Variants in ERC2 observed in about 807,000 individuals in gnomAD.
The protein encoded by ERC2 is ERC protein 2.
In ERC2, 42 loss-of-function variants were observed where a neutral mutation model predicts 114.8. The observed-to-expected ratio is 0.37, with a 90% CI of 0.29 to 0.47. ERC2 has a LOEUF of 0.47. Among genes scored for constraint, ERC2 ranks in the 20% least tolerant of loss-of-function variants. ERC2 has a pLI of 0.99. For synonymous variants in ERC2, 454 were observed against 425.5 expected (o/e 1.07, Z -0.82); for missense variants, 939 against 1,150.7 (o/e 0.82, Z 2.66).
intron 13 of ERC2, among the ~76,000 whole-genome samples, chr3:55,948,158 C>G (rs1314460581): frequency 1.3e-5 from 2 of 152,194 alleles, no homozygotes; most frequent in East Asian, 3.8e-4. Flanking sequence ...TCTCTTGGTG[C>G]TCTTCTTTGA....
At chr3:56,431,721 G>C (rs995295154) in intron 2 of ERC2, among the ~76,000 whole-genome samples, 2 of 151,994 alleles carry the variant, frequency 1.3e-5, no homozygotes, top group Non-Finnish European at 2.9e-5. Flanking sequence ...TTTTTACTTT[G>C]TAAGACATCA....
chr3:56,379,970 T>C (rs778297766), intron 2 of ERC2, among the ~76,000 whole-genome samples: 11 of 152,126 alleles, frequency 7.2e-5, no homozygotes, highest in Non-Finnish European at 1.6e-4. Context: ...ATTATGAACG[T>C]TAGGGCTGAG....
chr3:56,225,144 T>A (rs11712770), intron 3 of ERC2, among the ~76,000 whole-genome samples: 1 of 151,940 alleles, frequency 6.6e-6, no homozygotes, highest in Admixed American at 6.6e-5. Context: ...CTCTCAAGAT[T>A]TTCTCCACTC....
chr3:55,599,082 A>G (rs1179237304), intron 17 of ERC2, among the ~76,000 whole-genome samples: 3 of 152,172 alleles, frequency 2.0e-5, no homozygotes, highest in Admixed American at 1.3e-4. Context: ...AAACATCAAA[A>G]ACTTTTGCAG....
intron 13 of ERC2, among the ~76,000 whole-genome samples, chr3:55,919,586 C>A (rs550599778): frequency 6.6e-6 from 1 of 152,142 alleles, no homozygotes; most frequent in African/African-American, 2.4e-5. Flanking sequence ...AACCTCACAA[C>A]TTTATCTTCA....
chr3:55,855,026 G>T (rs1287456888), intron 14 of ERC2, among the ~76,000 whole-genome samples: 1 of 152,096 alleles, frequency 6.6e-6, no homozygotes, highest in African/African-American at 2.4e-5. Context: ...CATTATCCAT[G>T]GCAGCCCAGT....
At chr3:55,541,561 ATCTGACTATC>A (rs2054396573) in intron 17 of ERC2, among the ~76,000 whole-genome samples, 4 of 152,242 alleles carry the variant, frequency 2.6e-5, no homozygotes, top group African/African-American at 7.2e-5. Context: ...TGGCTTGTGC[ATCTGACTATC>A]TCTGACTATC....
At chr3:55,517,633 C>T (rs1180359285) in intron 17 of ERC2, among the ~76,000 whole-genome samples, 2 of 152,150 alleles carry the variant, frequency 1.3e-5, no homozygotes, top group African/African-American at 4.8e-5. Context: ...GCTCTCCTTG[C>T]CTTCAATCAG....
intron 2 of ERC2, among the ~76,000 whole-genome samples, chr3:56,351,973 T>C (rs2058570035): frequency 6.6e-6 from 1 of 152,178 alleles, no homozygotes; most frequent in Non-Finnish European, 1.5e-5. Context: ...GAAGGCTTCT[T>C]GGATGTGACA....
At chr3:55,715,636 G>GT (rs1018358779) in intron 15 of ERC2, among the ~76,000 whole-genome samples, 2 of 151,834 alleles carry the variant, frequency 1.3e-5, no homozygotes, top group African/African-American at 2.4e-5. Flanking sequence ...GCTGTGGGGT[G>GT]TTTTTTTTCC....
At chr3:55,968,539 A>T (rs1370155102) in intron 12 of ERC2, among the ~76,000 whole-genome samples, 1 of 152,222 alleles carries the variant, frequency 6.6e-6, no homozygotes, top group Non-Finnish European at 1.5e-5. Context: ...GTTTGCTGAA[A>T]TGCTTTTCTC....
chr3:56,436,189 G>A (rs1474736068), intron 1 of ERC2, among the ~76,000 whole-genome samples: 3 of 152,130 alleles, frequency 2.0e-5, no homozygotes, highest in African/African-American at 7.2e-5. Flanking sequence ...ATTTGAGAAA[G>A]GCAAACAGGT....
intron 1 of ERC2, among the ~76,000 whole-genome samples, chr3:56,449,402 C>T (rs369171918): frequency 1.3e-5 from 2 of 152,250 alleles, no homozygotes; most frequent in African/African-American, 4.8e-5. Flanking sequence ...CAGAGGAGAA[C>T]CAGAGTAGGC....
At chr3:55,611,436 A>C (rs2058904402) in intron 17 of ERC2, among the ~76,000 whole-genome samples, 1 of 152,186 alleles carries the variant, frequency 6.6e-6, no homozygotes, top group African/African-American at 2.4e-5. Context: ...GGTATTGATC[A>C]AGTCAGTCAG....
intron 4 of ERC2, among the ~76,000 whole-genome samples, chr3:56,173,169 A>G (rs1359952685): frequency 9.9e-5 from 15 of 152,210 alleles, no homozygotes; most frequent in Admixed American, 9.8e-4. Flanking sequence ...AACACACATA[A>G]AACCTCCCTA....
chr3:56,030,775 C>A (rs1462733466), intron 7 of ERC2, among the ~76,000 whole-genome samples: 1 of 152,166 alleles, frequency 6.6e-6, no homozygotes, highest in Non-Finnish European at 1.5e-5. Context: ...GCGAATTAAT[C>A]TAGGAGTAAG....
intron 2 of ERC2, among the ~76,000 whole-genome samples, chr3:56,329,801 A>C (rs906630718): frequency 6.6e-6 from 1 of 151,208 alleles, no homozygotes; most frequent in African/African-American, 2.4e-5. Context: ...ATATATATAT[A>C]TATATTTCCA....
intron 6 of ERC2, among the ~76,000 whole-genome samples, chr3:56,090,153 T>C (rs2077708700): frequency 6.6e-6 from 1 of 152,164 alleles, no homozygotes; most frequent in African/African-American, 2.4e-5. Context: ...TTCACGTCAA[T>C]CTCTAATTAT....
intron 13 of ERC2, among the ~76,000 whole-genome samples, chr3:55,891,285 A>G (rs1329140214): frequency 1.3e-5 from 2 of 152,124 alleles, no homozygotes; most frequent in East Asian, 3.9e-4. Context: ...CATCATCTTC[A>G]GCCTGAGTCC....
Sources: gnomAD v4.1 joint callset for allele counts (sites outside exome capture counted in the v4.1 genomes callset) on GRCh38, gnomAD v4.1.1 for gene constraint, MANE v1.5 for transcripts, NCBI Gene and HGNC (gene_info 2026-07-23, HGNC 2026-07-21) for gene names.